Variants in DDHD1 observed in about 807,000 individuals in gnomAD.
DDHD1 encodes the protein phospholipase DDHD1.
A neutral mutation model predicts 96.4 loss-of-function variants in DDHD1; 49 were observed. The ratio of observed to expected loss-of-function variants is 0.51; its 90% CI spans 0.40 to 0.64. DDHD1 has a LOEUF of 0.64. Among genes scored for constraint, DDHD1 ranks in the 30% least tolerant of loss-of-function variants. The probability of loss-of-function intolerance (pLI) is 0.00; values close to 1 mark genes in which losing one functional copy is unlikely to be tolerated. For missense variants in DDHD1, 1,106 were observed against 1,161.2 expected (o/e 0.95, Z 0.69); for synonymous variants, 442 against 446.5 (o/e 0.99, Z 0.13).
At chr14:53,095,141 T>C (rs1224772894) in intron 2 of DDHD1, among the ~76,000 whole-genome samples, 1 of 152,236 alleles carries the variant, frequency 6.6e-6, no homozygotes, top group East Asian at 1.9e-4. Context: ...GACCTTAAGC[T>C]TTTCCTTTAT....
At chr14:53,148,031 T>A (rs1219992483) in intron 1 of DDHD1, among the ~76,000 whole-genome samples, 1 of 152,354 alleles carries the variant, frequency 6.6e-6, no homozygotes, top group Admixed American at 6.5e-5. Context: ...AATATAATCT[T>A]CCCGTTGTTG....
chr14:53,134,886 T>C (rs1397462552), intron 1 of DDHD1, among the ~76,000 whole-genome samples: 1 of 152,164 alleles, frequency 6.6e-6, no homozygotes, highest in African/African-American at 2.4e-5. Context: ...CCATCACCAA[T>C]CATTCTATAT....
intron 1 of DDHD1, among the ~76,000 whole-genome samples, chr14:53,142,767 A>G (rs1484255547): frequency 6.6e-6 from 1 of 152,240 alleles, no homozygotes; most frequent in African/African-American, 2.4e-5. Context: ...AGAACTCAAG[A>G]CAGCACCAAT....
rs1883517904 is a variant in DDHD1, at chr14:53,061,184, T to A, written c.1784A>T (p.Glu595Val). The change falls in exon 8 of 13, where the codon GAA becomes GTA. Residue 595 changes from glutamate to valine, a missense_variant. Glu to Val is a moderately radical substitution (Grantham distance 121). Around this residue, in one of 2 missense-constraint regions of DDHD1, gnomAD observed 650 missense variants for 758.8 expected, o/e 0.86. Transcript: ENST00000673822. Reference protein sequence around the residue: ...ITKRRLKEIEERLHGLKASSM... With the variant: ...ITKRRLKEIEVRLHGLKASSM... ...TGATGCTTTCAATCCGTGAAGCCGT[T>A]CTTCTATTTCCTTCAGCCTAAGAAG... The A allele has an allele frequency of 6.2e-7, 1 of 1,610,422 alleles. No homozygotes were observed. The highest frequency in any genetic ancestry group is 1.7e-5 in the Admixed American group (1 of 59,044).
intron 11 of DDHD1, chr14:53,053,648 GAA>G (rs1224528263): frequency 6.6e-6 from 1 of 152,054 alleles, no homozygotes; most frequent in Non-Finnish European, 1.5e-5. Flanking sequence ...TCTAGAGAAA[GAA>G]AAGTTTTCTC....
At chr14:53,055,599 C>G in intron 10 of DDHD1, 61 bp downstream of exon 10, 1 of 1,405,532 alleles carries the variant, frequency 7.1e-7, no homozygotes, top group Non-Finnish European at 9.5e-7. Flanking sequence ...TTCTAGTCCC[C>G]CAAACTTATG....
intron 4 of DDHD1, among the ~76,000 whole-genome samples, chr14:53,082,243 AGAGATT>A (rs1192601843): frequency 1.3e-5 from 2 of 152,216 alleles, no homozygotes; most frequent in Non-Finnish European, 2.9e-5. Context: ...AAGAGAAGAT[AGAGATT>A]AATAGCATTT....
At chr14:53,119,326 A>C (rs932526477) in intron 1 of DDHD1, among the ~76,000 whole-genome samples, 1 of 152,198 alleles carries the variant, frequency 6.6e-6, no homozygotes, top group Non-Finnish European at 1.5e-5. Context: ...TTAACCTTAA[A>C]TGTAAATGGG....
At chr14:53,100,799 T>A (rs1053967606) in intron 2 of DDHD1, among the ~76,000 whole-genome samples, 1 of 152,250 alleles carries the variant, frequency 6.6e-6, no homozygotes, top group Non-Finnish European at 1.5e-5. Flanking sequence ...TTTTAAATTA[T>A]TAAATGAGGT....
In DDHD1 at chr14:53,152,386, C is replaced by T. The variant is rs1891471732; in HGVS notation, c.713G>A (p.Cys238Tyr). The change falls in exon 1 of 13, where the codon TGC becomes TAC. Residue 238 changes from cysteine to tyrosine, a missense_variant. Physicochemically the swap from Cys to Tyr is radical, Grantham distance 194. Transcript: ENST00000673822. ...DDDEDRACGF[C>Y]QSTTGHEPEM... ...CGGCTCGTGCCCCGTCGTACTCTGG[C>T]AGAAGCCGCAGGCGCGGTCCTCATC... is the stretch of plus-strand genomic sequence containing the variant. The T allele has an allele frequency of 6.2e-7, 1 of 1,613,842 alleles. No individual in the cohort carries two copies. The highest frequency in any genetic ancestry group is 2.2e-5 in the East Asian group (1 of 44,876).
At chr14:53,146,372 C>T (rs1249643736) in intron 1 of DDHD1, among the ~76,000 whole-genome samples, 1 of 151,108 alleles carries the variant, frequency 6.6e-6, no homozygotes, top group Non-Finnish European at 1.5e-5. Context: ...GGCATGGTGG[C>T]ACATGCCTGT....
intron 1 of DDHD1, among the ~76,000 whole-genome samples, chr14:53,135,960 G>C (rs2139859559): frequency 6.6e-6 from 1 of 152,314 alleles, no homozygotes; most frequent in East Asian, 1.9e-4. Context: ...TATACATCCA[G>C]ATTACCTGAA....
intron 6 of DDHD1, among the ~76,000 whole-genome samples, chr14:53,069,719 G>A (rs1034234878): frequency 3.3e-5 from 5 of 152,082 alleles, no homozygotes; most frequent in Non-Finnish European, 7.4e-5. Flanking sequence ...TTTAGAAATT[G>A]TTGAATTTAC....
intron 1 of DDHD1, among the ~76,000 whole-genome samples, chr14:53,115,953 C>T (rs1243732563): frequency 2.0e-5 from 3 of 152,110 alleles, no homozygotes; most frequent in Non-Finnish European, 2.9e-5. Context: ...GAGTCAAGAC[C>T]CATTGGTGTG....
At chr14:53,064,005 T>C (rs1271871358) in intron 6 of DDHD1, among the ~76,000 whole-genome samples, 1 of 152,112 alleles carries the variant, frequency 6.6e-6, no homozygotes, top group Admixed American at 6.5e-5. Context: ...AAGGCAGTCT[T>C]CTTTCTTCCT....
At chr14:53,063,346 T>C in intron 6 of DDHD1, 141 bp from the exon 7 acceptor site, 2 of 1,008,884 alleles carry the variant, frequency 2.0e-6, no homozygotes, top group East Asian at 2.6e-5. Flanking sequence ...CTTAGGTCTT[T>C]CAAAATCTTG....
At chr14:53,143,509 C>T (rs1274260313) in intron 1 of DDHD1, among the ~76,000 whole-genome samples, 13 of 152,134 alleles carry the variant, frequency 8.5e-5, no homozygotes, top group Admixed American at 2.6e-4. Flanking sequence ...TATAATCTGA[C>T]GCGTCCACCT....
chr14:53,146,171 A>G (rs552565710), intron 1 of DDHD1, among the ~76,000 whole-genome samples: 1 of 151,492 alleles, frequency 6.6e-6, no homozygotes, highest in South Asian at 2.1e-4. Context: ...ACGCCATTGC[A>G]CTTCAGCCTG....
chr14:53,040,641 A>C lies in DDHD1; in HGVS notation c.*6127T>G, dbSNP rs1342398657. 3 of 152,244 alleles carry C rather than the reference A, an allele frequency of 2.0e-5. No individual in the cohort carries two copies. The highest frequency in any genetic ancestry group is 2.9e-5 in the Non-Finnish European group (2 of 68,048). 9.4% of individuals were successfully genotyped at this position (152,244 alleles called of 1,614,324 possible). A position where few individuals can be genotyped will look rare whatever the true frequency, so the allele number is the denominator to read the frequency against. Reference sequence around the variant, plus strand: ...GGACAATGCCAGAATAAAAGTTTAAAGTTTCTGTCATCCAAACTGATCACT... The same window carrying C: ...GGACAATGCCAGAATAAAAGTTTAACGTTTCTGTCATCCAAACTGATCACT... On this transcript the variant is annotated 3_prime_UTR_variant, in exon 13 of 13. Coordinates refer to ENST00000673822, the MANE Select transcript of DDHD1 (RefSeq NM_001160148.2).
Sources: allele counts gnomAD v4.1 joint callset (sites outside exome capture counted in the v4.1 genomes callset), GRCh38; gene constraint gnomAD v4.1.1; regional missense constraint gnomAD v4.1.1; transcripts MANE v1.5; gene names NCBI Gene and HGNC (gene_info 2026-07-23, HGNC 2026-07-21).